The following GARNL3 variants were observed in gnomAD, a reference collection of about 807,000 sequenced individuals.
GARNL3 encodes the protein GTPase activating Rap/RanGAP domain like 3.
A neutral mutation model predicts 125.0 loss-of-function variants in GARNL3; 63 were observed. The observed-to-expected ratio is 0.50, with a 90% CI of 0.41 to 0.62. GARNL3 has a LOEUF of 0.62. Ranked by LOEUF, GARNL3 falls within the 20% of genes least tolerant of loss-of-function variation. The pLI, the probability that GARNL3 is intolerant of heterozygous loss-of-function variation, is 0.00. For synonymous variants in GARNL3, 439 were observed against 457.5 expected, an observed-to-expected ratio of 0.96 and a Z score of 0.52; for missense variants, 994 against 1,244.0, an observed-to-expected ratio of 0.80 and a Z score of 3.02.
intron 2 of GARNL3, among the ~76,000 whole-genome samples, chr9:127,246,522 G>A (rs1379578140): frequency 3.9e-5 from 6 of 152,040 alleles, no homozygotes; most frequent in African/African-American, 1.4e-4. Flanking sequence ...AAATGATATC[G>A]GGGCCAGGAG....
Position 127,254,977 on chromosome 9 carries a change from T to G in GARNL3, c.144-9975T>G, listed in dbSNP as rs12683241. Reference sequence around the variant, plus strand: ...AGACACCATTTCATACTCTTCAGACTGGCAAAAACTAATGCCTGACAATCC... The same window carrying G: ...AGACACCATTTCATACTCTTCAGACGGGCAAAAACTAATGCCTGACAATCC... On this transcript the variant is annotated intron_variant, in intron 2 of 10. Coordinates refer to the GARNL3 transcript ENST00000439286. Among the ~76,000 whole-genome samples the G allele has an allele frequency of 9.3e-3, 1,424 of 152,308 alleles. 83 individuals are homozygous for G. The East Asian group carries it at 0.16, about 17-fold the overall frequency.
chr9:127,393,045 C>T (rs1252793159), intron 27 of GARNL3, 38 bp from the exon 28 acceptor site: 3 of 1,529,048 alleles, frequency 2.0e-6, no homozygotes, highest in South Asian at 2.3e-5. Flanking sequence ...TTCTGTGGTA[C>T]TCCCAAAGAT....
chr9:127,360,013 A>C (rs1830900234), intron 21 of GARNL3, among the ~76,000 whole-genome samples: 1 of 151,354 alleles, frequency 6.6e-6, no homozygotes. Flanking sequence ...TAAGAGAAAA[A>C]AAAATGTATT....
intron 3 of GARNL3, 84 bp from the exon 4 acceptor site, chr9:127,313,357 C>A (rs2065146206): frequency 1.1e-6 from 1 of 931,464 alleles, no homozygotes; most frequent in African/African-American, 1.6e-5. Flanking sequence ...GTGGGAAGGG[C>A]TGGACACCAC....
chr9:127,292,385 T>C (rs1472476291), intron 2 of GARNL3, among the ~76,000 whole-genome samples: 1 of 152,214 alleles, frequency 6.6e-6, no homozygotes, highest in Admixed American at 6.5e-5. Flanking sequence ...TGGGACTAGA[T>C]AGCCTCACCA....
At position 127,280,515 on chromosome 9, in the gene GARNL3, A is replaced by G. The variant is rs904451351; in HGVS notation, c.145-10653A>G. ...AGATTAAAGTGCCTTCCAACCTTCC[A>G]TAATTACCACAGATTTGTTCTGTTC... On this transcript the variant is annotated intron_variant, in intron 1 of 27. Transcript: ENST00000373387. This position sits in a 1 kb window ranked among gnomAD's most constrained non-coding sequence, Gnocchi z 4.5. Among the ~76,000 whole-genome samples, 20 of 152,232 alleles carry G rather than the reference A, an allele frequency of 1.3e-4. No individual in the cohort carries two copies. The highest frequency in any genetic ancestry group is 4.3e-4 in the African/African-American group (18 of 41,462).
At chr9:127,231,363 C>T (rs1408334059) in intron 1 of GARNL3, among the ~76,000 whole-genome samples, 5 of 151,350 alleles carry the variant, frequency 3.3e-5, no homozygotes, top group African/African-American at 1.2e-4. Flanking sequence ...TGAGCCACTG[C>T]GCCCGGCCAG....
chr9:127,345,433 G>A lies in GARNL3; in HGVS notation c.1387G>A (p.Asp463Asn). 6.2e-7 allele frequency: 1 copy of A among 1,607,382 alleles called. No individual in the cohort carries two copies. Among genetic ancestry groups the A allele is most frequent in the Admixed American group, 1.7e-5 (1 of 58,984 alleles). Residue 463 changes from aspartate to asparagine, a missense_variant, in exon 16 of 28, where the codon GAT becomes AAT. By Grantham distance (23) the Asp-to-Asn change is conservative (BLOSUM62 1). Coordinates refer to ENST00000373387, the MANE Select transcript of GARNL3 (RefSeq NM_032293.5). ...AAAACTGAAATCCATTGTGAGAGGGGATGCTCCATCAAGCTTGGCAGCTTC... is the reference window on the plus strand; with the variant it reads ...AAAACTGAAATCCATTGTGAGAGGGAATGCTCCATCAAGCTTGGCAGCTTC... ...ALKLKSIVRG[D>N]APSSLAASGI... is the part of the protein sequence containing the mutation.
chr9:127,234,211 T>C (rs1376281764), intron 1 of GARNL3, among the ~76,000 whole-genome samples: 1 of 152,214 alleles, frequency 6.6e-6, no homozygotes, highest in Non-Finnish European at 1.5e-5. Flanking sequence ...AAACAACTTT[T>C]ATTATTCACT....
At chr9:127,251,773 T>G (rs764271779) in intron 2 of GARNL3, among the ~76,000 whole-genome samples, 1 of 152,162 alleles carries the variant, frequency 6.6e-6, no homozygotes, top group Non-Finnish European at 1.5e-5. Context: ...TACACCACTT[T>G]GGCAAAAGGA....
In GARNL3 at chr9:127,264,973, C is replaced by T. The variant is rs1452085636; in HGVS notation, c.96C>T (p.Gly32=). Residue 32 remains glycine, a synonymous_variant, in exon 1 of 28, where the codon GGC becomes GGT. Transcript: ENST00000373387. Reference sequence around the variant, plus strand: ...CCAGCTCTGTCTCGGAAGACCTAGGCTGTAGACGTGGGGATTTCAGTAGGA... The same window carrying T: ...CCAGCTCTGTCTCGGAAGACCTAGGTTGTAGACGTGGGGATTTCAGTAGGA... The part of the protein sequence containing the change: ...FCSSSVSEDL[G]CRRGDFSRKH... 1 of 1,613,102 alleles carries T rather than the reference C, an allele frequency of 6.2e-7. No homozygotes were observed. Among genetic ancestry groups the T allele is most frequent in the East Asian group, 2.2e-5 (1 of 44,832 alleles).
chr9:127,353,431 A>G (rs549295444), intron 17 of GARNL3: 2 of 191,044 alleles, frequency 1.0e-5, no homozygotes, highest in Non-Finnish European at 2.1e-5. Context: ...ATATAATGCA[A>G]TTTCAAATAT....
At chr9:127,370,787 A>G (rs1831563126) in intron 22 of GARNL3, among the ~76,000 whole-genome samples, 1 of 152,096 alleles carries the variant, frequency 6.6e-6, no homozygotes, top group African/African-American at 2.4e-5. Context: ...AAACGCTGGC[A>G]TTCCAGAGGG....
At chr9:127,376,788 G>A (rs1831942850) in intron 22 of GARNL3, among the ~76,000 whole-genome samples, 1 of 152,120 alleles carries the variant, frequency 6.6e-6, no homozygotes, top group African/African-American at 2.4e-5. Flanking sequence ...ACCTGACTGA[G>A]TCAGTAAGTA....
At chr9:127,332,724 G>A (rs1313759910) in intron 8 of GARNL3, among the ~76,000 whole-genome samples, 1 of 152,132 alleles carries the variant, frequency 6.6e-6, no homozygotes, top group Non-Finnish European at 1.5e-5. Flanking sequence ...TTAAATACCT[G>A]CTTATTCTGA....
intron 2 of GARNL3, among the ~76,000 whole-genome samples, chr9:127,302,520 A>G (rs1225209072): frequency 6.6e-6 from 1 of 152,218 alleles, no homozygotes; most frequent in Non-Finnish European, 1.5e-5. Flanking sequence ...AAAAATGTTT[A>G]AGATACATGT....
At chr9:127,367,511 C>A (rs1412005356) in intron 22 of GARNL3, 3 of 151,968 alleles carry the variant, frequency 2.0e-5, no homozygotes, top group Admixed American at 2.0e-4. Context: ...CACTTGGTAA[C>A]CTTTAGGGGA....
Position 127,289,679 on chromosome 9 carries a change from A to C in GARNL3, c.145-1489A>C, listed in dbSNP as rs1269519235. Among the ~76,000 whole-genome samples the C allele has an allele frequency of 2.6e-5, 4 of 152,246 alleles. 1 individual carries two copies. The highest frequency in any genetic ancestry group is 3.8e-4 in the East Asian group (2 of 5,200). On this transcript the variant is annotated intron_variant, in intron 1 of 27. Coordinates refer to ENST00000373387, the MANE Select transcript of GARNL3 (RefSeq NM_032293.5). The stretch of plus-strand genomic sequence containing the variant: ...TGACCCAAAGCCCTCACTATAAATC[A>C]GTGTGGCTCAGAGCCCCTAAGTAAT...
Position 127,264,804 on chromosome 9 carries a change from C to T in GARNL3, c.-74C>T, listed in dbSNP as rs1233236162. 3.7e-6 allele frequency: 5 copies of T among 1,368,480 alleles called. No individual in the cohort carries two copies. The African/African-American group carries it at 7.4e-5, about 20-fold the overall frequency. 84.8% of individuals were successfully genotyped at this position (1,368,480 alleles called of 1,614,324 possible). On this transcript the variant is annotated 5_prime_UTR_variant, in exon 1 of 28. Coordinates refer to ENST00000373387, the MANE Select transcript of GARNL3 (RefSeq NM_032293.5). Reference sequence around the variant, plus strand: ...CTGCAATGGCTGCTGGGGACTGTGTCTGTTGCAAGGAGGCTCCCCTGCAGT... The same window carrying T: ...CTGCAATGGCTGCTGGGGACTGTGTTTGTTGCAAGGAGGCTCCCCTGCAGT...
Sources: gnomAD v4.1 joint callset for allele counts (sites outside exome capture counted in the v4.1 genomes callset) on GRCh38, gnomAD v4.1.1 for gene constraint, Gnocchi (gnomAD v3.1) non-coding constraint, MANE v1.5 for transcripts, NCBI Gene and HGNC (gene_info 2026-07-23, HGNC 2026-07-21) for gene names.